ATRNL1: variants seen among roughly 807,000 people sequenced by gnomAD.
ATRNL1 encodes attractin like 1.
ATRNL1 carries 95 observed loss-of-function variants against 182.7 expected under a neutral mutation model. The ratio of observed to expected loss-of-function variants is 0.52; its 90% confidence interval spans 0.44 to 0.62. The LOEUF is 0.62. ATRNL1 is among the 20% of genes least tolerant of loss of function. ATRNL1 has a pLI of 0.00. For missense variants in ATRNL1, 1,471 were observed against 1,679.5 expected (o/e 0.88, Z 2.17); for synonymous variants, 576 against 568.3 (o/e 1.01, Z -0.19).
chr10:115,370,479 G>A (rs1857335616), intron 19 of ATRNL1, among the ~76,000 whole-genome samples: 1 of 152,188 alleles, frequency 6.6e-6, no homozygotes, highest in Non-Finnish European at 1.5e-5. Context: ...GGTCTCAGAT[G>A]GAGATGAGGA....
At chr10:115,727,545 A>G (rs1327903416) in intron 27 of ATRNL1, among the ~76,000 whole-genome samples, 190 bp downstream of exon 27, 1 of 152,198 alleles carries the variant, frequency 6.6e-6, no homozygotes, top group Non-Finnish European at 1.5e-5. Flanking sequence ...AACCAAAGCC[A>G]CTGGAGAATC....
intron 27 of ATRNL1, among the ~76,000 whole-genome samples, chr10:115,787,956 C>T (rs1547947): frequency 5.3e-5 from 8 of 152,212 alleles, no homozygotes; most frequent in South Asian, 2.1e-4. Flanking sequence ...TAAACACAAA[C>T]TGATTTCTAA....
chr10:115,242,844 T>C (rs1283710877), intron 10 of ATRNL1, among the ~76,000 whole-genome samples: 1 of 152,108 alleles, frequency 6.6e-6, no homozygotes, highest in African/African-American at 2.4e-5. Context: ...CTTTTTGAAA[T>C]AATAATTTGA....
At chr10:115,117,430 C>G (rs1844540394) in intron 1 of ATRNL1, among the ~76,000 whole-genome samples, 1 of 152,058 alleles carries the variant, frequency 6.6e-6, no homozygotes, top group African/African-American at 2.4e-5. Flanking sequence ...CTTTTTAGAT[C>G]CCACAAATCA....
intron 25 of ATRNL1, among the ~76,000 whole-genome samples, chr10:115,531,769 G>A (rs1469344062): frequency 0.028 from 4,131 of 149,274 alleles, 216 homozygotes; most frequent in African/African-American, 0.096. Context: ...TAGGTCTAAC[G>A]TTTAAGTCTT....
intron 26 of ATRNL1, among the ~76,000 whole-genome samples, chr10:115,647,611 T>G (rs1859713764): frequency 6.6e-6 from 1 of 152,218 alleles, no homozygotes; most frequent in African/African-American, 2.4e-5. Context: ...TTGAGAAGTG[T>G]CTGTTCATAT....
At chr10:115,716,999 G>T (rs546385848) in intron 26 of ATRNL1, among the ~76,000 whole-genome samples, 1 of 152,142 alleles carries the variant, frequency 6.6e-6, no homozygotes, top group Non-Finnish European at 1.5e-5. Context: ...GGAGTAATAT[G>T]TATTAAAATC....
At chr10:115,808,171 G>GT (rs1436341862) in intron 27 of ATRNL1, among the ~76,000 whole-genome samples, 2 of 152,176 alleles carry the variant, frequency 1.3e-5, no homozygotes, top group East Asian at 1.9e-4. Flanking sequence ...AAATTTATCT[G>GT]TTTTTCCCCC....
At chr10:115,923,738 A>G (rs1953136648) in intron 28 of ATRNL1, among the ~76,000 whole-genome samples, 1 of 152,254 alleles carries the variant, frequency 6.6e-6, no homozygotes, top group Admixed American at 6.5e-5. Flanking sequence ...TCTTTATAGT[A>G]GAATGATATA....
At chr10:115,485,428 G>T (rs1848970393) in intron 24 of ATRNL1, among the ~76,000 whole-genome samples, 2 of 151,886 alleles carry the variant, frequency 1.3e-5, no homozygotes, top group Admixed American at 1.3e-4. Context: ...ATTTTGGAAT[G>T]GTTAAATCTA....
intron 26 of ATRNL1, among the ~76,000 whole-genome samples, chr10:115,649,228 T>C (rs1370335117): frequency 6.6e-6 from 1 of 152,174 alleles, no homozygotes; most frequent in Non-Finnish European, 1.5e-5. Flanking sequence ...AAAAATTTGC[T>C]ATTTGTATTT....
intron 1 of ATRNL1, among the ~76,000 whole-genome samples, chr10:115,100,862 A>T (rs1284288490): frequency 6.6e-6 from 1 of 152,206 alleles, no homozygotes; most frequent in African/African-American, 2.4e-5. Flanking sequence ...AGTTTCCTAC[A>T]TGGTATATCT....
chr10:115,382,709 T>A (rs1249955325), intron 19 of ATRNL1, among the ~76,000 whole-genome samples: 6 of 149,354 alleles, frequency 4.0e-5, no homozygotes, highest in Non-Finnish European at 7.5e-5. Context: ...TTTTTTTTTT[T>A]AATAGCTACT....
At chr10:115,642,233 A>G (rs1555030663) in intron 26 of ATRNL1, among the ~76,000 whole-genome samples, 2 of 152,214 alleles carry the variant, frequency 1.3e-5, no homozygotes, top group African/African-American at 4.8e-5. Flanking sequence ...AATCAAAAGA[A>G]TGCAATTCCT....
At chr10:115,457,428 A>G (rs1360758264) in intron 21 of ATRNL1, among the ~76,000 whole-genome samples, 1 of 151,976 alleles carries the variant, frequency 6.6e-6, no homozygotes, top group African/African-American at 2.4e-5. Flanking sequence ...TGGCAGTTCA[A>G]TTTTTCAGGC....
chr10:115,280,608 C>G (rs1163786084), intron 13 of ATRNL1, among the ~76,000 whole-genome samples: 1 of 152,148 alleles, frequency 6.6e-6, no homozygotes, highest in African/African-American at 2.4e-5. Flanking sequence ...GGCTCAGGCT[C>G]AAGGCCCTGA....
At chr10:115,487,094 C>T (rs1849064092) in intron 24 of ATRNL1, among the ~76,000 whole-genome samples, 1 of 152,084 alleles carries the variant, frequency 6.6e-6, no homozygotes. Context: ...TTCCATTGGT[C>T]TATATATCTG....
intron 19 of ATRNL1, among the ~76,000 whole-genome samples, chr10:115,371,457 C>T (rs1857390870): frequency 6.6e-6 from 1 of 152,226 alleles, no homozygotes; most frequent in Non-Finnish European, 1.5e-5. Flanking sequence ...GGGAACACAC[C>T]TCTTGCATCA....
intron 20 of ATRNL1, among the ~76,000 whole-genome samples, chr10:115,424,255 C>G (rs560403833): frequency 1.3e-5 from 2 of 152,210 alleles, no homozygotes; most frequent in South Asian, 2.1e-4. Context: ...GTTAGAATGG[C>G]TGTTATGAAA....
Sources: allele counts gnomAD v4.1 joint callset (sites outside exome capture counted in the v4.1 genomes callset), GRCh38; gene constraint gnomAD v4.1.1; transcripts MANE v1.5; gene names NCBI Gene and HGNC (gene_info 2026-07-23, HGNC 2026-07-21).